The following TMEM272 variants were observed in gnomAD, a reference collection of about 807,000 sequenced individuals.
TMEM272 encodes the protein long intergenic non-protein coding RNA 282.
A neutral mutation model predicts 3.7 loss-of-function variants in TMEM272; 8 were observed. That is an observed-to-expected ratio of 2.17 (90% CI 1.27 to 3.91). TMEM272 has a LOEUF of 3.91. Among genes scored for constraint, TMEM272 ranks in the 30% most tolerant of loss-of-function variants. The pLI, the probability that TMEM272 is intolerant of heterozygous loss-of-function variation, is 0.00. For synonymous variants in TMEM272, 63 were observed against 39.8 expected, an observed-to-expected ratio of 1.58 and a Z score of -2.20; for missense variants, 166 against 91.5, an observed-to-expected ratio of 1.81 and a Z score of -3.32.
chr13:51,835,446 G>A (rs796932776), intron 2 of TMEM272, among the ~76,000 whole-genome samples: 7 of 152,166 alleles, frequency 4.6e-5, no homozygotes, highest in African/African-American at 1.4e-4. Flanking sequence ...GGATGGTCTC[G>A]ATCTCTTGAC....
At chr13:51,927,862 A>G in the TMEM272 span, among the ~76,000 whole-genome samples, 2 of 152,312 alleles carry the variant, frequency 1.3e-5, no homozygotes, top group East Asian at 1.9e-4. Context: ...CATTTTATGT[A>G]CATAATTCCC....
chr13:51,931,713 C>T, the TMEM272 span, among the ~76,000 whole-genome samples: 1 of 152,118 alleles, frequency 6.6e-6, no homozygotes, highest in African/African-American at 2.4e-5. Context: ...CCTCACTTTT[C>T]ACAATGGGAC....
the TMEM272 span, among the ~76,000 whole-genome samples, chr13:51,859,129 G>A: frequency 6.6e-6 from 1 of 150,808 alleles, no homozygotes; most frequent in South Asian, 2.1e-4. Flanking sequence ...TATTTGACTT[G>A]ACTCAGAGCT....
upstream of TMEM272, among the ~76,000 whole-genome samples, chr13:51,845,900 A>C (rs1956300961): frequency 6.6e-6 from 1 of 152,248 alleles, no homozygotes; most frequent in Admixed American, 6.5e-5. Context: ...TCCATGGACC[A>C]CACTTAGAGA....
chr13:51,883,878 C>T, the TMEM272 span, among the ~76,000 whole-genome samples: 1 of 152,242 alleles, frequency 6.6e-6, no homozygotes, highest in South Asian at 2.1e-4. Flanking sequence ...AGCTCTGCTT[C>T]CCTTGATACA....
At chr13:51,857,831 G>A in the TMEM272 span, among the ~76,000 whole-genome samples, 10 of 151,934 alleles carry the variant, frequency 6.6e-5, no homozygotes, top group Non-Finnish European at 1.3e-4. Flanking sequence ...TTGTATTACA[G>A]TAGAAAAAAC....
upstream of TMEM272, among the ~76,000 whole-genome samples, chr13:51,847,781 C>G (rs1297029027): frequency 2.0e-5 from 3 of 152,240 alleles, no homozygotes; most frequent in South Asian, 6.2e-4. Context: ...GGGCAGCAGT[C>G]TTTTTTGAGC....
chr13:51,921,182 G>C, the TMEM272 span: 1 of 152,264 alleles, frequency 6.6e-6, no homozygotes, highest in Non-Finnish European at 1.5e-5. Context: ...GTGACCATGA[G>C]CAGTAAGGTG....
the TMEM272 span, among the ~76,000 whole-genome samples, chr13:51,884,142 C>T: frequency 1.3e-4 from 20 of 152,136 alleles, no homozygotes; most frequent in Non-Finnish European, 2.2e-4. Context: ...ATGATGCACC[C>T]TCAGGCCAGA....
At position 51,816,915 on chromosome 13, in the gene TMEM272, A is replaced by G. The variant is rs150381983; in HGVS notation, c.400T>C (p.Phe134Leu). The G allele has an allele frequency of 2.4e-4, 166 of 703,000 alleles. No individual in the cohort carries two copies. In the East Asian group the frequency reaches 4.3e-3, roughly 18 times the overall value. The allele number at this position is 703,000 out of a possible 1,614,324, so 43.5% of individuals were successfully genotyped here. A position where few individuals can be genotyped will look rare whatever the true frequency, so the allele number is the denominator to read the frequency against. ...TGAGGCTGCTGGAAAGGGGGAAGAAAATCAGGCAGGTACACAGAAAAGACC... is the reference window on the plus strand; with the variant it reads ...TGAGGCTGCTGGAAAGGGGGAAGAAGATCAGGCAGGTACACAGAAAAGACC... ...YWVFSVYLPD[F>L]LPPFQQPQDY... Residue 134 changes from phenylalanine to leucine, a missense_variant, in exon 5 of 5, where the codon TTT (phenylalanine) becomes CTT (leucine). Transcript: ENST00000629372.
the TMEM272 span, among the ~76,000 whole-genome samples, chr13:51,882,565 G>A: frequency 2.0e-5 from 3 of 152,210 alleles, no homozygotes; most frequent in East Asian, 5.8e-4. Flanking sequence ...TAAAAGTGTT[G>A]AAGGGACACA....
intron 1 of TMEM272, 30 bp from the exon 2 acceptor site, chr13:51,838,583 G>A: frequency 1.4e-6 from 1 of 703,044 alleles, no homozygotes; most frequent in Non-Finnish European, 2.6e-6. Flanking sequence ...CATTAGAAAG[G>A]ATGGTGGAAG....
At chr13:51,826,821 G>T (rs1036335515) in intron 2 of TMEM272, among the ~76,000 whole-genome samples, 196 bp from the exon 3 acceptor site, 3 of 152,358 alleles carry the variant, frequency 2.0e-5, no homozygotes, top group Non-Finnish European at 4.4e-5. Flanking sequence ...ACTTCTCAGA[G>T]AGCTGAACAT....
the TMEM272 span, among the ~76,000 whole-genome samples, chr13:51,889,100 C>T: frequency 1.3e-5 from 2 of 152,170 alleles, no homozygotes. Flanking sequence ...CACCCTTGAA[C>T]ACATTTTCGT....
the TMEM272 span, chr13:51,909,423 A>G: frequency 3.5e-6 from 3 of 865,490 alleles, no homozygotes; most frequent in South Asian, 4.0e-5. Context: ...ATTTTCCTCT[A>G]CTATTAATTT....
chr13:51,893,645 G>A, the TMEM272 span, among the ~76,000 whole-genome samples: 2 of 152,032 alleles, frequency 1.3e-5, no homozygotes, highest in African/African-American at 4.8e-5. Flanking sequence ...TTGAGAATGT[G>A]AACATTCAAA....
chr13:51,905,014 AC>A, the TMEM272 span, among the ~76,000 whole-genome samples: 1 of 152,290 alleles, frequency 6.6e-6, no homozygotes, highest in East Asian at 1.9e-4. Flanking sequence ...CAACCACTTG[AC>A]GCCAGTAGCA....
upstream of TMEM272, among the ~76,000 whole-genome samples, chr13:51,847,103 ATG>A (rs941199723): frequency 2.0e-5 from 3 of 152,182 alleles, no homozygotes; most frequent in African/African-American, 7.2e-5. Context: ...CACAAATACT[ATG>A]TGTAGTATTT....
At chr13:51,872,803 T>TTTATTA in the TMEM272 span, among the ~76,000 whole-genome samples, 1 of 152,376 alleles carries the variant, frequency 6.6e-6, no homozygotes, top group South Asian at 2.1e-4. Flanking sequence ...GAAACATTAA[T>TTTATTA]GTCAAAATTC....
Sources: allele counts gnomAD v4.1 joint callset (sites outside exome capture counted in the v4.1 genomes callset), GRCh38; gene constraint gnomAD v4.1.1; transcripts MANE v1.5; gene names NCBI Gene and HGNC (gene_info 2026-07-23, HGNC 2026-07-21).